SCN11A: variants seen among roughly 807,000 people sequenced by gnomAD.
SCN11A encodes the protein sodium channel protein type 11 subunit alpha.
Under a neutral mutation model 162.2 loss-of-function variants are expected in SCN11A, and 122 were observed. That is an observed-to-expected ratio of 0.75 (90% CI 0.65 to 0.87). The LOEUF (loss-of-function observed/expected upper bound fraction) is 0.87. Ranked by LOEUF, SCN11A falls within the 40% of genes least tolerant of loss-of-function variation. The pLI, the probability that SCN11A is intolerant of heterozygous loss-of-function variation, is 0.00. For missense variants in SCN11A, 2,015 were observed against 2,181.6 expected, an observed-to-expected ratio of 0.92 and a Z score of 1.52; for synonymous variants, 758 against 751.5, an observed-to-expected ratio of 1.01 and a Z score of -0.14.
At chr3:38,951,277 G>A (rs2066610586) in intron 4 of SCN11A, among the ~76,000 whole-genome samples, 1 of 152,244 alleles carries the variant, frequency 6.6e-6, no homozygotes, top group African/African-American at 2.4e-5. Context: ...CCCGGGCAGT[G>A]AGGGGCTTGG....
intron 7 of SCN11A, among the ~76,000 whole-genome samples, chr3:38,935,468 A>C (rs1345136849): frequency 1.3e-5 from 2 of 152,252 alleles, no homozygotes; most frequent in Admixed American, 1.3e-4. Context: ...AACAAAACTG[A>C]TAGATCCCTA....
At chr3:38,907,082 G>A (rs1470653473) in intron 14 of SCN11A, among the ~76,000 whole-genome samples, 2 of 151,754 alleles carry the variant, frequency 1.3e-5, no homozygotes, top group Non-Finnish European at 2.9e-5. Context: ...CTGACACACT[G>A]CATCTTCTGG....
intron 19 of SCN11A, among the ~76,000 whole-genome samples, chr3:38,892,678 T>C (rs75354801): frequency 0.043 from 6,487 of 152,130 alleles, 481 homozygotes; most frequent in African/African-American, 0.15. Context: ...AAAAGTTGTT[T>C]GGGTTTTAAC....
intron 2 of SCN11A, among the ~76,000 whole-genome samples, chr3:39,004,858 C>A (rs1402340040): frequency 6.6e-6 from 1 of 152,150 alleles, no homozygotes; most frequent in African/African-American, 2.4e-5. Flanking sequence ...TCATGTGATA[C>A]TGTAGCAGGA....
At chr3:38,963,424 GATATATATATATATATATATGATGGAGAT>G (rs1559558358) in intron 2 of SCN11A, among the ~76,000 whole-genome samples, 2,046 of 61,236 alleles carry the variant, frequency 0.033, 87 homozygotes, top group African/African-American at 0.15. Context: ...ATATGATGGA[GATATATATATATATATATATGATGGAGAT>G]ATATATATAT....
chr3:38,908,879 GTAGA>G, intron 13 of SCN11A, 114 bp downstream of exon 13: 3 of 800,764 alleles, frequency 3.7e-6, no homozygotes, highest in Non-Finnish European at 6.3e-6. Flanking sequence ...AAAAGCACCA[GTAGA>G]GAAAGCACTG....
chr3:38,992,072 G>A (rs2030469558), intron 2 of SCN11A, among the ~76,000 whole-genome samples: 1 of 152,136 alleles, frequency 6.6e-6, no homozygotes, highest in Non-Finnish European at 1.5e-5. Context: ...GCCTCCCAAA[G>A]TGCTGGGATT....
At position 38,920,642 on chromosome 3, in the gene SCN11A, T is replaced by C. The variant is rs1244494895; in HGVS notation, c.892+434A>G. 8.3e-5 allele frequency among the ~76,000 whole-genome samples: 12 copies of C among 145,298 alleles called. No individual in the cohort carries two copies. The Admixed American group carries it at 8.5e-4, about 10-fold the overall frequency. On this transcript the variant is annotated intron_variant, in intron 10 of 29. Coordinates refer to ENST00000302328, the MANE Select transcript of SCN11A (RefSeq NM_001349253.2). ...GGAGGCAGAGGTTGCAGTGGGGTGA[T>C]GTCACTGCACTCCGGCCTGGTGACA...
At chr3:38,960,114 C>T (rs1375079032) in intron 3 of SCN11A, among the ~76,000 whole-genome samples, 169 bp downstream of exon 3, 1 of 151,970 alleles carries the variant, frequency 6.6e-6, no homozygotes, top group Non-Finnish European at 1.5e-5. Context: ...CGATGGACTC[C>T]ACCAGCTGAG....
chr3:39,042,044 G>T (rs1052405580), intron 1 of SCN11A, among the ~76,000 whole-genome samples: 2 of 152,142 alleles, frequency 1.3e-5, no homozygotes, highest in Non-Finnish European at 1.5e-5. Context: ...TGAGGCAGGA[G>T]GATCACTTAA....
chr3:39,008,687 G>T (rs2031043073), intron 2 of SCN11A, among the ~76,000 whole-genome samples: 1 of 152,114 alleles, frequency 6.6e-6, no homozygotes, highest in Non-Finnish European at 1.5e-5. Flanking sequence ...TCAGAACTTT[G>T]AGACCTGCCT....
chr3:39,013,068 A>G (rs1456139649), intron 2 of SCN11A, among the ~76,000 whole-genome samples: 1 of 152,220 alleles, frequency 6.6e-6, no homozygotes, highest in Non-Finnish European at 1.5e-5. Flanking sequence ...CTGCTATTAG[A>G]GGTTCCTGAA....
At chr3:39,008,590 C>T (rs1283825942) in intron 2 of SCN11A, among the ~76,000 whole-genome samples, 1 of 152,138 alleles carries the variant, frequency 6.6e-6, no homozygotes, top group Non-Finnish European at 1.5e-5. Context: ...ACATCCAATG[C>T]ATCTAAATAT....
intron 7 of SCN11A, among the ~76,000 whole-genome samples, chr3:38,936,691 A>G (rs2066338210): frequency 1.3e-5 from 2 of 152,144 alleles, no homozygotes; most frequent in East Asian, 1.9e-4. Context: ...TTCAAGGAGA[A>G]CTACAAACCG....
chr3:38,989,911 G>A (rs1349215439), intron 2 of SCN11A, among the ~76,000 whole-genome samples: 3 of 151,276 alleles, frequency 2.0e-5, no homozygotes, highest in Admixed American at 6.6e-5. Context: ...TGACTCTGTC[G>A]AAATAATGTT....
chr3:38,934,834 A>C (rs1305140429), intron 7 of SCN11A, among the ~76,000 whole-genome samples: 1 of 152,064 alleles, frequency 6.6e-6, no homozygotes, highest in East Asian at 1.9e-4. Context: ...CAGAAAGTTA[A>C]CAAGGATACC....
At chr3:38,891,216 T>C (rs1235549648) in intron 19 of SCN11A, among the ~76,000 whole-genome samples, 1 of 152,026 alleles carries the variant, frequency 6.6e-6, no homozygotes, top group East Asian at 1.9e-4. Context: ...GAAATTATAT[T>C]TTGAAAAGAA....
chr3:38,856,320 C>A (rs1374776460), intron 28 of SCN11A, among the ~76,000 whole-genome samples: 1 of 152,134 alleles, frequency 6.6e-6, no homozygotes, highest in African/African-American at 2.4e-5. Flanking sequence ...AGGGTGAGTG[C>A]GGCCCCAGAG....
intron 2 of SCN11A, among the ~76,000 whole-genome samples, chr3:39,010,625 G>A (rs1021961687): frequency 2.0e-4 from 31 of 152,028 alleles, no homozygotes; most frequent in Admixed American, 2.0e-3. Context: ...TGATCCACCC[G>A]CCTCGGCCTC....
Sources: gnomAD v4.1 joint callset for allele counts (sites outside exome capture counted in the v4.1 genomes callset) on GRCh38, gnomAD v4.1.1 for gene constraint, MANE v1.5 for transcripts, NCBI Gene and HGNC (gene_info 2026-07-23, HGNC 2026-07-21) for gene names.